Variants in TENM2 observed in about 807,000 individuals in gnomAD.
The protein encoded by TENM2 is teneurin transmembrane protein 2, also known as teneurin-2.
Under a neutral mutation model 245.2 loss-of-function variants are expected in TENM2, and 52 were observed. The ratio of observed to expected loss-of-function variants is 0.21; its 90% CI spans 0.17 to 0.27. The LOEUF is 0.27. Ranked by LOEUF, TENM2 falls within the 10% of genes least tolerant of loss-of-function variation. TENM2 has a pLI of 1.00. For synonymous variants in TENM2, 1,363 were observed against 1,438.9 expected, an observed-to-expected ratio of 0.95 and a Z score of 1.19; for missense variants, 3,046 against 3,666.8, an observed-to-expected ratio of 0.83 and a Z score of 4.37.
chr5:167,281,267 C>G (rs1164070462), upstream of TENM2, among the ~76,000 whole-genome samples: 1 of 147,306 alleles, frequency 6.8e-6, no homozygotes. Context: ...GCCACCACGC[C>G]TGGCTATTTT....
At position 167,470,074 on chromosome 5, in the gene TENM2, C is replaced by T. The variant is rs140425594; in HGVS notation, c.502+94601C>T. 4.9e-3 allele frequency among the ~76,000 whole-genome samples: 739 copies of T among 152,182 alleles called. 6 individuals are homozygous for T. Among genetic ancestry groups the T allele is most frequent in the African/African-American group, 0.017 (688 of 41,536 alleles). ...ATAAAATGTTGCAATGATCAGCAAG[C>T]CTCAAATAGTTTATTGGAAAAAGAT... On this transcript the variant is annotated intron_variant, in intron 2 of 28. Coordinates refer to ENST00000518659, the Ensembl canonical transcript of TENM2.
the TENM2 span, among the ~76,000 whole-genome samples, chr5:167,119,224 G>A: frequency 3.3e-5 from 5 of 152,178 alleles, no homozygotes; most frequent in Non-Finnish European, 7.3e-5. Context: ...AACTTTGAAA[G>A]TGTTTTATGA....
chr5:167,798,535 C>T (rs10062102), intron 2 of TENM2, among the ~76,000 whole-genome samples: 2,379 of 152,274 alleles, frequency 0.016, 66 homozygotes, highest in African/African-American at 0.054. Context: ...AGGGGCTGTG[C>T]AGTTCGAGGA....
intron 1 of TENM2, among the ~76,000 whole-genome samples, chr5:167,359,368 T>C (rs530527935): frequency 6.6e-6 from 1 of 152,208 alleles, no homozygotes; most frequent in African/African-American, 2.4e-5. Context: ...CTTTGCACCA[T>C]TGGCTTCCTC....
chr5:168,044,263 A>C (rs1479400246), intron 5 of TENM2, among the ~76,000 whole-genome samples: 1 of 152,122 alleles, frequency 6.6e-6, no homozygotes, highest in Admixed American at 6.5e-5. Context: ...AAAATACAAA[A>C]ACAAAATTAG....
chr5:168,107,989 C>A (rs1794388979), intron 9 of TENM2, among the ~76,000 whole-genome samples: 1 of 152,212 alleles, frequency 6.6e-6, no homozygotes, highest in South Asian at 2.1e-4. Flanking sequence ...CTTTGTACCT[C>A]CCTGTATTTA....
At chr5:167,003,572 G>A in the TENM2 span, among the ~76,000 whole-genome samples, 1 of 152,058 alleles carries the variant, frequency 6.6e-6, no homozygotes, top group African/African-American at 2.4e-5. Context: ...CGAAAATGTC[G>A]GTTTAGTTTA....
chr5:167,734,800 G>A (rs567308550), intron 2 of TENM2, among the ~76,000 whole-genome samples: 24 of 152,278 alleles, frequency 1.6e-4, no homozygotes, highest in African/African-American at 5.5e-4. Context: ...CACAGCAGAG[G>A]TGATTATAAA....
chr5:167,404,545 G>A (rs1762527279), intron 2 of TENM2, among the ~76,000 whole-genome samples: 2 of 152,104 alleles, frequency 1.3e-5, no homozygotes, highest in South Asian at 4.1e-4. Context: ...ACATTCATCA[G>A]TAAGGCCATA....
intron 25 of TENM2, among the ~76,000 whole-genome samples, chr5:168,234,252 C>G (rs1765219207): frequency 6.6e-6 from 1 of 152,122 alleles, no homozygotes; most frequent in Non-Finnish European, 1.5e-5. Context: ...TCTCCCCCAG[C>G]ATTTCTATTT....
chr5:168,180,668 G>A lies in TENM2; in HGVS notation c.2570-9669G>A, dbSNP rs990965194. Among the ~76,000 whole-genome samples, 11 of 152,178 alleles carry A rather than the reference G, an allele frequency of 7.2e-5. 1 individual carries two copies. Among genetic ancestry groups the A allele is most frequent in the Admixed American group, 6.5e-4 (10 of 15,284 alleles). On this transcript the variant is annotated intron_variant, in intron 13 of 28. Coordinates refer to ENST00000518659, the Ensembl canonical transcript of TENM2. ...CCCAGCACTTTGGGAGGCCAAGGCG[G>A]GTGAATCACCTGAAGTCAGGAGTTC...
intron 2 of TENM2, among the ~76,000 whole-genome samples, chr5:167,651,975 C>A (rs1754500823): frequency 6.6e-6 from 1 of 152,170 alleles, no homozygotes; most frequent in Admixed American, 6.5e-5. Flanking sequence ...CACCTCTCTC[C>A]CACTACTTAA....
intron 12 of TENM2, among the ~76,000 whole-genome samples, chr5:168,134,760 C>T (rs1308414679): frequency 2.0e-5 from 3 of 152,210 alleles, no homozygotes; most frequent in Non-Finnish European, 2.9e-5. Context: ...CTTCCAATCC[C>T]TCAAGAAGTT....
At chr5:167,807,232 A>G (rs1766271151) in intron 2 of TENM2, among the ~76,000 whole-genome samples, 1 of 148,490 alleles carries the variant, frequency 6.7e-6, no homozygotes, top group South Asian at 2.2e-4. Flanking sequence ...AGGGCAAAAG[A>G]CTTTTTTGGG....
chr5:168,231,041 A>G (rs1307952159), intron 25 of TENM2: 1 of 152,264 alleles, frequency 6.6e-6, no homozygotes, highest in Non-Finnish European at 1.5e-5. Flanking sequence ...TCTTAAGCAC[A>G]GGCTCTGTGC....
chr5:168,246,716 A>G (rs1329165494), intron 26 of TENM2, 41 bp from the exon 29 acceptor site: 1 of 1,582,954 alleles, frequency 6.3e-7, no homozygotes, highest in Non-Finnish European at 8.6e-7. Flanking sequence ...TTGGTCCTCA[A>G]AAGCCAACTG....
the TENM2 span, among the ~76,000 whole-genome samples, chr5:167,084,039 G>A: frequency 6.6e-6 from 1 of 151,956 alleles, no homozygotes; most frequent in East Asian, 1.9e-4. Context: ...ATTTAGATTT[G>A]AATGTGTGAA....
At chr5:167,508,227 A>T (rs1242088047) in intron 2 of TENM2, among the ~76,000 whole-genome samples, 1 of 152,170 alleles carries the variant, frequency 6.6e-6, no homozygotes, top group Non-Finnish European at 1.5e-5. Flanking sequence ...GGTGAATGAC[A>T]TTAAAAAAGC....
intron 13 of TENM2, among the ~76,000 whole-genome samples, chr5:168,169,787 T>C (rs1004889550): frequency 3.9e-5 from 6 of 152,234 alleles, no homozygotes; most frequent in Non-Finnish European, 7.4e-5. Flanking sequence ...ATCCCAATCG[T>C]GTTGATGGAT....
Sources: gnomAD v4.1 joint callset for allele counts (sites outside exome capture counted in the v4.1 genomes callset) on GRCh38, gnomAD v4.1.1 for gene constraint, MANE v1.5 for transcripts, NCBI Gene and HGNC (gene_info 2026-07-23, HGNC 2026-07-21) for gene names.